Variants in NTM observed in about 807,000 individuals in gnomAD.
NTM encodes IgLON family member 2.
A neutral mutation model predicts 42.1 loss-of-function variants in NTM; 13 were observed. The observed-to-expected ratio is 0.31, with a 90% CI of 0.20 to 0.49. The LOEUF is 0.49. Among genes scored for constraint, NTM ranks in the 20% least tolerant of loss-of-function variants. The probability of loss-of-function intolerance (pLI) is 0.99; values close to 1 mark genes in which losing one functional copy is unlikely to be tolerated. For missense variants in NTM, 373 were observed against 452.8 expected, an observed-to-expected ratio of 0.82 and a Z score of 1.60; for synonymous variants, 187 against 179.2, an observed-to-expected ratio of 1.04 and a Z score of -0.35.
chr11:132,117,148 G>A (rs1013144956), intron 2 of NTM, among the ~76,000 whole-genome samples: 5 of 152,200 alleles, frequency 3.3e-5, no homozygotes, highest in Admixed American at 2.0e-4. Flanking sequence ...CATTTAAAAT[G>A]ATTGTTTTTT....
At chr11:132,182,525 A>T (rs1053385018) in intron 3 of NTM, among the ~76,000 whole-genome samples, 2 of 152,220 alleles carry the variant, frequency 1.3e-5, no homozygotes, top group African/African-American at 2.4e-5. Context: ...GTAGGTGTAA[A>T]GCATTGTGTA....
intron 6 of NTM, among the ~76,000 whole-genome samples, chr11:132,311,066 G>A (rs1002470723): frequency 6.6e-6 from 1 of 152,146 alleles, no homozygotes. Context: ...CAAGGAGTGG[G>A]GGAGGCCAGG....
chr11:132,283,293 C>A (rs1163685685), intron 4 of NTM, among the ~76,000 whole-genome samples: 1 of 152,048 alleles, frequency 6.6e-6, no homozygotes, highest in Non-Finnish European at 1.5e-5. Context: ...TCAACAGGGG[C>A]AATTTCTGTC....
intron 4 of NTM, among the ~76,000 whole-genome samples, chr11:132,215,322 C>T (rs2083625626): frequency 6.6e-6 from 1 of 152,202 alleles, no homozygotes; most frequent in South Asian, 2.1e-4. Context: ...CATTTTTTCT[C>T]TCCAGACTGA....
intron 1 of NTM, among the ~76,000 whole-genome samples, chr11:131,778,283 A>G (rs2087424896): frequency 6.6e-6 from 1 of 152,250 alleles, no homozygotes; most frequent in Admixed American, 6.5e-5. Context: ...ACAGGCTTCC[A>G]CATTTGAATG....
chr11:132,192,380 A>C (rs998008398), intron 3 of NTM, among the ~76,000 whole-genome samples: 2 of 152,314 alleles, frequency 1.3e-5, no homozygotes, highest in Middle Eastern at 3.4e-3. Flanking sequence ...AAAAGAAAAA[A>C]ATTCCAACCC....
At chr11:131,546,184 AG>A (rs1168679979) in intron 1 of NTM, among the ~76,000 whole-genome samples, 1 of 152,178 alleles carries the variant, frequency 6.6e-6, no homozygotes, top group Admixed American at 6.5e-5. Context: ...GCATGCTTCA[AG>A]TTTTGTGACT....
chr11:131,928,332 G>A (rs2058188510), intron 2 of NTM, among the ~76,000 whole-genome samples: 1 of 152,196 alleles, frequency 6.6e-6, no homozygotes, highest in South Asian at 2.1e-4. Flanking sequence ...TGGCATATAT[G>A]AGGCACTAAA....
intron 1 of NTM, among the ~76,000 whole-genome samples, chr11:131,603,367 A>T (rs1216373233): frequency 6.6e-6 from 1 of 152,106 alleles, no homozygotes; most frequent in East Asian, 1.9e-4. Flanking sequence ...CATTCCACAG[A>T]TTTAGGGTAT....
intron 1 of NTM, among the ~76,000 whole-genome samples, chr11:131,903,944 T>C (rs2053516526): frequency 6.6e-6 from 1 of 152,200 alleles, no homozygotes; most frequent in South Asian, 2.1e-4. Context: ...ATGAAGATTT[T>C]TTTTTGTTTT....
At chr11:131,628,624 C>G (rs2063352925) in intron 1 of NTM, among the ~76,000 whole-genome samples, 1 of 152,174 alleles carries the variant, frequency 6.6e-6, no homozygotes, top group African/African-American at 2.4e-5. Flanking sequence ...CATCCTCACT[C>G]CCAGTACTAA....
intron 1 of NTM, among the ~76,000 whole-genome samples, chr11:131,491,894 C>G (rs1336030405): frequency 6.6e-6 from 1 of 152,192 alleles, no homozygotes; most frequent in African/African-American, 2.4e-5. Context: ...TATAATCCGA[C>G]AATAATAACA....
At chr11:132,187,811 G>A (rs535777254) in intron 3 of NTM, among the ~76,000 whole-genome samples, 29 of 152,300 alleles carry the variant, frequency 1.9e-4, no homozygotes, top group Non-Finnish European at 4.0e-4. Context: ...CCTAACAAGT[G>A]AGGTTCAGAG....
intron 1 of NTM, among the ~76,000 whole-genome samples, chr11:131,667,605 G>A (rs961808263): frequency 2.6e-5 from 4 of 152,178 alleles, no homozygotes; most frequent in African/African-American, 7.2e-5. Flanking sequence ...TCCTGGTCAT[G>A]GAGGGACCCA....
chr11:131,391,410 G>A (rs972304496), intron 1 of NTM, among the ~76,000 whole-genome samples: 1 of 152,024 alleles, frequency 6.6e-6, no homozygotes, highest in African/African-American at 2.4e-5. Flanking sequence ...TCCCACCTGA[G>A]TACTGAGTAC....
chr11:131,855,591 T>C (rs2046010850), intron 1 of NTM, among the ~76,000 whole-genome samples: 1 of 152,250 alleles, frequency 6.6e-6, no homozygotes, highest in Non-Finnish European at 1.5e-5. Flanking sequence ...TCTCTTGAAG[T>C]AGCTGTGTAT....
intron 1 of NTM, among the ~76,000 whole-genome samples, chr11:131,465,824 C>T (rs1951828702): frequency 7.1e-6 from 1 of 140,136 alleles, no homozygotes; most frequent in Non-Finnish European, 1.5e-5. Context: ...TACCTAGCTT[C>T]ATAGAAAAGG....
At chr11:132,080,363 G>A (rs751685076) in intron 2 of NTM, among the ~76,000 whole-genome samples, 1 of 152,196 alleles carries the variant, frequency 6.6e-6, no homozygotes, top group Non-Finnish European at 1.5e-5. Flanking sequence ...TTTTCAAAGA[G>A]CAGACAGGGC....
At chr11:131,472,135 C>T (rs1012571514) in intron 1 of NTM, among the ~76,000 whole-genome samples, 1 of 152,164 alleles carries the variant, frequency 6.6e-6, no homozygotes, top group Non-Finnish European at 1.5e-5. Flanking sequence ...TGAGTCTCTT[C>T]TTTCTGCTGG....
Sources: gnomAD v4.1 joint callset for allele counts (sites outside exome capture counted in the v4.1 genomes callset) on GRCh38, gnomAD v4.1.1 for gene constraint, MANE v1.5 for transcripts, NCBI Gene and HGNC (gene_info 2026-07-23, HGNC 2026-07-21) for gene names.